The following FKBP6 variants were observed in gnomAD, a reference collection of about 807,000 sequenced individuals.
FKBP6 encodes inactive peptidyl-prolyl cis-trans isomerase FKBP6.
Under a neutral mutation model 41.7 loss-of-function variants are expected in FKBP6, and 29 were observed. The ratio of observed to expected loss-of-function variants is 0.70; its 90% CI spans 0.52 to 0.95. The LOEUF is 0.95. Ranked by LOEUF, FKBP6 falls within the 40% of genes least tolerant of loss-of-function variation. FKBP6 has a pLI of 0.00. For synonymous variants in FKBP6, 130 were observed against 165.1 expected, an observed-to-expected ratio of 0.79 and a Z score of 1.63; for missense variants, 338 against 408.7, an observed-to-expected ratio of 0.83 and a Z score of 1.49.
At chr7:73,355,913 A>G (rs1245039907) in intron 8 of FKBP6, among the ~76,000 whole-genome samples, 3 of 151,874 alleles carry the variant, frequency 2.0e-5, no homozygotes, top group Non-Finnish European at 4.4e-5. Flanking sequence ...AAAAATACAA[A>G]AAATTAGCTG....
intron 8 of FKBP6, among the ~76,000 whole-genome samples, chr7:73,349,202 G>C (rs1554550739): frequency 6.6e-6 from 1 of 151,342 alleles, no homozygotes; most frequent in Middle Eastern, 3.4e-3. Flanking sequence ...CTGAGGTCAG[G>C]AGTTCGAGAC....
chr7:73,339,862 C>T (rs1805120762), intron 5 of FKBP6, among the ~76,000 whole-genome samples: 1 of 152,170 alleles, frequency 6.6e-6, no homozygotes, highest in Non-Finnish European at 1.5e-5. Context: ...ATCTGCCCGC[C>T]TCAGCCTCCC....
chr7:73,354,633 G>A (rs1805579081), intron 8 of FKBP6, among the ~76,000 whole-genome samples: 2 of 152,200 alleles, frequency 1.3e-5, no homozygotes, highest in African/African-American at 2.4e-5. Context: ...GCTGAGTAAT[G>A]CATTTTGGGA....
chr7:73,352,738 G>T (rs1805525800), intron 8 of FKBP6, among the ~76,000 whole-genome samples: 1 of 152,132 alleles, frequency 6.6e-6, no homozygotes, highest in African/African-American at 2.4e-5. Flanking sequence ...ATGAGCAAAA[G>T]TTCTCTCTAG....
At chr7:73,330,075 A>C in intron 3 of FKBP6, 75 bp from the exon 4 acceptor site, 2 of 1,093,160 alleles carry the variant, frequency 1.8e-6, no homozygotes, top group East Asian at 4.7e-5. Flanking sequence ...CTGCTGACTT[A>C]GAGGGGGAAG....
intron 8 of FKBP6, among the ~76,000 whole-genome samples, chr7:73,354,572 T>C (rs1554551619): frequency 1.3e-5 from 2 of 152,210 alleles, no homozygotes; most frequent in African/African-American, 4.8e-5. Flanking sequence ...CAAAAAATTT[T>C]CCCCCTCAGT....
intron 8 of FKBP6, among the ~76,000 whole-genome samples, chr7:73,353,121 T>A (rs1249298477): frequency 1.3e-5 from 2 of 152,122 alleles, no homozygotes; most frequent in Non-Finnish European, 2.9e-5. Flanking sequence ...ACCCTCTCTG[T>A]GAATCTCTCA....
At chr7:73,355,894 G>A (rs1041984535) in intron 8 of FKBP6, among the ~76,000 whole-genome samples, 4 of 151,664 alleles carry the variant, frequency 2.6e-5, no homozygotes, top group African/African-American at 7.3e-5. Context: ...GTGAAACTCC[G>A]TCTCTACTAA....
Position 73,328,185 on chromosome 7 carries a change from C to T in FKBP6, c.-244C>T, listed in dbSNP as rs1265704881. ...CATCATGTTTCGTGCGCTCCCATTA[C>T]GGATCATACCTCGCACCTCACCGCG... On this transcript the variant is annotated 5_prime_UTR_variant, in exon 1 of 9. In the 5' UTR this introduces an upstream ATG that the reference lacks. Transcript: ENST00000252037. 12 of 1,545,194 alleles carry T rather than the reference C, an allele frequency of 7.8e-6. No homozygotes were observed. The highest frequency in any genetic ancestry group is 7.4e-5 in the East Asian group (3 of 40,804).
intron 8 of FKBP6, among the ~76,000 whole-genome samples, chr7:73,344,663 C>A (rs1805287825): frequency 6.6e-6 from 1 of 152,124 alleles, no homozygotes; most frequent in African/African-American, 2.4e-5. Flanking sequence ...TGGCTCACTG[C>A]AGCCTCTGCC....
In FKBP6 at chr7:73,328,681, C is replaced by A. The variant is rs782101452; in HGVS notation, c.164C>A (p.Ala55Asp). ...GCTGGAGACCTAGTGGCGCCTGATG[C>A]TTCGGTGCTAGGTACGCCCTGGGGC... is the stretch of plus-strand genomic sequence containing the variant. ...EGAGDLVAPDASVLVKYSGYL... is the reference protein window; with the variant it reads ...EGAGDLVAPDDSVLVKYSGYL... Residue 55 changes from alanine (A) to aspartate (D), a missense_variant, in exon 2 of 9, where the codon GCT (alanine) becomes GAT (aspartate). Physicochemically the swap from Ala to Asp is moderately radical, Grantham distance 126. Coordinates refer to ENST00000252037, the MANE Select transcript of FKBP6 (RefSeq NM_003602.5). The A allele has an allele frequency of 1.2e-6, 2 of 1,611,960 alleles. No individual in the cohort carries two copies. The highest frequency in any genetic ancestry group is 1.7e-6 in the Non-Finnish European group (2 of 1,179,858).
chr7:73,329,091 C>T (rs1161793771), intron 2 of FKBP6, among the ~76,000 whole-genome samples: 3 of 152,126 alleles, frequency 2.0e-5, no homozygotes, highest in Non-Finnish European at 4.4e-5. Flanking sequence ...AAGCATGAGC[C>T]GCTGCTTCCG....
rs782399413 is a variant in FKBP6, at chr7:73,328,648, G to A, written c.131G>A (p.Arg44Gln). ...CGGGGCGTGCTGAAGGACGTCATCC[G>A]AGAAGGAGCTGGAGACCTAGTGGCG... Reference protein sequence around the residue: ...GDRGVLKDVIREGAGDLVAPD... With the variant: ...GDRGVLKDVIQEGAGDLVAPD... The change falls in exon 2 of 9, where the codon CGA becomes CAA. Residue 44 changes from arginine (R) to glutamine (Q), a missense_variant. Coordinates refer to ENST00000252037, the MANE Select transcript of FKBP6 (RefSeq NM_003602.5). The A allele has an allele frequency of 5.3e-5, 86 of 1,611,650 alleles. No individual in the cohort carries two copies. In the South Asian group the frequency reaches 8.0e-4, roughly 15 times the overall value.
intron 8 of FKBP6, among the ~76,000 whole-genome samples, chr7:73,343,549 G>C (rs1178474409): frequency 2.0e-5 from 3 of 152,008 alleles, no homozygotes; most frequent in Admixed American, 1.3e-4. Context: ...GGTGGGGATG[G>C]GCTGTGGCTC....
intron 5 of FKBP6, among the ~76,000 whole-genome samples, chr7:73,338,849 T>G (rs1805086156): frequency 6.6e-6 from 1 of 152,242 alleles, no homozygotes; most frequent in South Asian, 2.1e-4. Flanking sequence ...GAGTAAATGT[T>G]GCTGCTGTGC....
chr7:73,329,183 C>G (rs1429020153), intron 2 of FKBP6, among the ~76,000 whole-genome samples, 177 bp from the exon 3 acceptor site: 1 of 152,150 alleles, frequency 6.6e-6, no homozygotes, highest in Non-Finnish European at 1.5e-5. Flanking sequence ...TCTTGAACCT[C>G]TGAGCCAAAG....
chr7:73,348,612 C>T (rs1805401243), intron 8 of FKBP6, among the ~76,000 whole-genome samples: 1 of 152,196 alleles, frequency 6.6e-6, no homozygotes, highest in Non-Finnish European at 1.5e-5. Flanking sequence ...GCATACTCCA[C>T]AGGTTAAGGG....
At chr7:73,349,575 G>A (rs782085787) in intron 8 of FKBP6, among the ~76,000 whole-genome samples, 18 of 149,280 alleles carry the variant, frequency 1.2e-4, no homozygotes, top group African/African-American at 1.7e-4. Context: ...AAATACAGGC[G>A]TGGTGGCGCA....
At chr7:73,345,136 A>G (rs574552608) in intron 8 of FKBP6, among the ~76,000 whole-genome samples, 1 of 151,964 alleles carries the variant, frequency 6.6e-6, no homozygotes, top group Non-Finnish European at 1.5e-5. Context: ...CCAGCCTCTA[A>G]TAAAACATCC....
Sources: allele counts gnomAD v4.1 joint callset (sites outside exome capture counted in the v4.1 genomes callset), GRCh38; gene constraint gnomAD v4.1.1; transcripts MANE v1.5; gene names NCBI Gene and HGNC (gene_info 2026-07-23, HGNC 2026-07-21).